POT1: variants seen among roughly 807,000 people sequenced by gnomAD.
POT1 encodes protection of telomeres 1.
Under a neutral mutation model 78.5 loss-of-function variants are expected in POT1, and 47 were observed. The ratio of observed to expected loss-of-function variants is 0.60; its 90% CI spans 0.47 to 0.76. POT1 has a LOEUF of 0.76. POT1 is among the 30% of genes least tolerant of loss of function. The probability of loss-of-function intolerance (pLI) is 0.00; values close to 1 mark genes in which losing one functional copy is unlikely to be tolerated. For missense variants in POT1, 646 were observed against 749.9 expected, an observed-to-expected ratio of 0.86 and a Z score of 1.62; for synonymous variants, 259 against 260.7, an observed-to-expected ratio of 0.99 and a Z score of 0.06.
chr7:124,848,328 G>A (rs1000851400), intron 11 of POT1, among the ~76,000 whole-genome samples: 3 of 152,132 alleles, frequency 2.0e-5, no homozygotes, highest in Non-Finnish European at 4.4e-5. Flanking sequence ...ACTTATGTCT[G>A]CAACTTACTT....
intron 4 of POT1, among the ~76,000 whole-genome samples, chr7:124,897,996 A>C (rs1258132419): frequency 6.6e-6 from 1 of 151,994 alleles, no homozygotes; most frequent in Non-Finnish European, 1.5e-5. Flanking sequence ...ATCACAAAGA[A>C]TATCCAGTCT....
intron 7 of POT1, among the ~76,000 whole-genome samples, chr7:124,865,764 T>C (rs978155654): frequency 9.2e-5 from 14 of 152,046 alleles, no homozygotes; most frequent in African/African-American, 3.1e-4. Flanking sequence ...TGGAATGCAG[T>C]GGTGTAATAA....
At chr7:124,903,963 C>G (rs1167255452) in intron 3 of POT1, among the ~76,000 whole-genome samples, 2 of 152,022 alleles carry the variant, frequency 1.3e-5, no homozygotes, top group East Asian at 1.9e-4. Flanking sequence ...AAGACTAAAC[C>G]AGGAAGAAGT....
chr7:124,885,113 T>C (rs904171347), intron 6 of POT1, among the ~76,000 whole-genome samples: 21 of 152,048 alleles, frequency 1.4e-4, no homozygotes, highest in Admixed American at 9.8e-4. Flanking sequence ...ATGACTTTGT[T>C]TTCCTATATG....
intron 6 of POT1, among the ~76,000 whole-genome samples, chr7:124,876,915 T>G (rs941063248): frequency 3.9e-5 from 6 of 152,136 alleles, no homozygotes; most frequent in Non-Finnish European, 1.5e-5. Context: ...CAGCTAACAA[T>G]CTTATTCCAT....
chr7:124,880,343 C>T lies in POT1; in HGVS notation c.125-9302G>A, dbSNP rs570576547. Among the ~76,000 whole-genome samples the T allele has an allele frequency of 2.0e-5, 3 of 152,138 alleles. No homozygotes were observed. In the East Asian group the frequency reaches 5.8e-4, roughly 29 times the overall value. On this transcript the variant is annotated intron_variant, in intron 6 of 18. Transcript: ENST00000357628. Reference sequence around the variant, plus strand: ...ACTTTAAATGCTCCAAATTGATCTACTTTCGTAAACTGTGAATATAAGACC... The same window carrying T: ...ACTTTAAATGCTCCAAATTGATCTATTTTCGTAAACTGTGAATATAAGACC...
chr7:124,859,174 T>C, intron 8 of POT1, 62 bp from the exon 9 acceptor site: 1 of 1,324,422 alleles, frequency 7.6e-7, no homozygotes, highest in Non-Finnish European at 1.0e-6. Context: ...GCTAAAAAGT[T>C]TTTTCCTGGA....
chr7:124,917,881 A>G (rs891091758), intron 2 of POT1, among the ~76,000 whole-genome samples: 2 of 152,184 alleles, frequency 1.3e-5, no homozygotes, highest in Non-Finnish European at 2.9e-5. Context: ...CACCTGGAGA[A>G]GAAAACTCTA....
In POT1 at chr7:124,822,430, C is replaced by A; in HGVS notation, c.*1532G>T. 3.0e-6 allele frequency: 1 copy of A among 338,340 alleles called. No individual in the cohort carries two copies. The highest frequency in any genetic ancestry group is 6.4e-6 in the Non-Finnish European group (1 of 156,222). The allele number at this position is 338,340 out of a possible 1,614,324, so 21.0% of individuals were successfully genotyped here. A position where few individuals can be genotyped will look rare whatever the true frequency, so the allele number is the denominator to read the frequency against. On this transcript the variant is annotated 3_prime_UTR_variant, in exon 19 of 19. Transcript: ENST00000357628. ...TATTTAAAACAAAAATAAGAAGAGA[C>A]ATGGCCTATCATCATGAAGATTCAT... is the stretch of plus-strand genomic sequence containing the variant.
chr7:124,856,525 GA>G (rs370957443), intron 9 of POT1, among the ~76,000 whole-genome samples: 3 of 152,016 alleles, frequency 2.0e-5, no homozygotes, highest in East Asian at 1.9e-4. Context: ...AAAGAATCTG[GA>G]AAAAAAATCC....
At chr7:124,865,258 T>C (rs1249974391) in intron 7 of POT1, among the ~76,000 whole-genome samples, 1 of 152,144 alleles carries the variant, frequency 6.6e-6, no homozygotes, top group Non-Finnish European at 1.5e-5. Flanking sequence ...TGGTTTCACA[T>C]TGAGAAAGTT....
At chr7:124,869,490 C>G (rs1344916847) in intron 7 of POT1, among the ~76,000 whole-genome samples, 1 of 150,716 alleles carries the variant, frequency 6.6e-6, no homozygotes, top group Non-Finnish European at 1.5e-5. Flanking sequence ...TGTTTGAATA[C>G]AGTATACAGG....
At position 124,851,938 on chromosome 7, in the gene POT1, C is replaced by G. The variant is rs1584764955; in HGVS notation, c.883G>C (p.Ala295Pro). 3 of 1,607,646 alleles carry G rather than the reference C, an allele frequency of 1.9e-6. No homozygotes were observed. Among genetic ancestry groups the G allele is most frequent in the Non-Finnish European group, 1.7e-6 (2 of 1,174,552 alleles). The change falls in exon 11 of 19, where the codon GCA becomes CCA. Residue 295 changes from alanine (A) to proline (P), a missense_variant. By Grantham distance (27) the Ala-to-Pro change is conservative. This residue lies in a region of POT1 where 394 missense variants were observed against 408.4 expected (regional missense o/e 0.96). Transcript: ENST00000357628. ...VDQLKKDLESANLTANQHSDV... is the reference protein window; with the variant it reads ...VDQLKKDLESPNLTANQHSDV... Reference sequence around the variant, plus strand: ...GAATGCTGATTGGCTGTCAAATTTGCAGATTCTAAATCCCTATAATTGAAA... The same window carrying G: ...GAATGCTGATTGGCTGTCAAATTTGGAGATTCTAAATCCCTATAATTGAAA...
At chr7:124,851,056 G>A (rs892266085) in intron 11 of POT1, among the ~76,000 whole-genome samples, 1 of 151,986 alleles carries the variant, frequency 6.6e-6, no homozygotes, top group African/African-American at 2.4e-5. Context: ...GCTTGAGACC[G>A]GGAGACCAGG....
chr7:124,852,486 T>G (rs1346087041), intron 10 of POT1, among the ~76,000 whole-genome samples: 1 of 152,156 alleles, frequency 6.6e-6, no homozygotes, highest in African/African-American at 2.4e-5. Flanking sequence ...TCTAAATATA[T>G]AGCAGGTCTA....
At chr7:124,846,248 C>T (rs1356144928) in intron 12 of POT1, among the ~76,000 whole-genome samples, 2 of 152,008 alleles carry the variant, frequency 1.3e-5, no homozygotes, top group African/African-American at 4.8e-5. Context: ...CACACAGCTA[C>T]ATCGACTTCT....
intron 3 of POT1, among the ~76,000 whole-genome samples, chr7:124,899,213 T>C (rs963711552): frequency 2.6e-5 from 4 of 152,218 alleles, no homozygotes; most frequent in Non-Finnish European, 4.4e-5. Context: ...CTGAAGATAG[T>C]GGTCATTTCT....
At chr7:124,901,534 T>C (rs1274346418) in intron 3 of POT1, among the ~76,000 whole-genome samples, 1 of 152,094 alleles carries the variant, frequency 6.6e-6, no homozygotes, top group Non-Finnish European at 1.5e-5. Flanking sequence ...GTCACCATCA[T>C]CAAAGACCAA....
chr7:124,914,770 T>C (rs939050802), intron 3 of POT1, among the ~76,000 whole-genome samples: 5 of 152,324 alleles, frequency 3.3e-5, no homozygotes, highest in African/African-American at 7.2e-5. Flanking sequence ...ATGGGTTATA[T>C]GCAAATATTT....
Sources: allele counts gnomAD v4.1 joint callset (sites outside exome capture counted in the v4.1 genomes callset), GRCh38; gene constraint gnomAD v4.1.1; regional missense constraint gnomAD v4.1.1; transcripts MANE v1.5; gene names NCBI Gene and HGNC (gene_info 2026-07-23, HGNC 2026-07-21).